The following EPPK1 variants were observed in gnomAD, a reference collection of about 807,000 sequenced individuals.
EPPK1 encodes the protein epiplakin.
For missense variants in EPPK1, 3,823 were observed against 3,673.3 expected (o/e 1.04, Z -1.05); for synonymous variants, 1,862 against 1,721.2 (o/e 1.08, Z -2.03).
rs528143426 is a variant in EPPK1 at position 143,874,199 on chromosome 8, G to A, written c.-45-901C>T. The stretch of plus-strand genomic sequence containing the variant: ...CAACCCCTTCCACACACAGCTGTAC[G>A]ACTGGCCCTGAGCAGAGCAGCAGGT... On this transcript the variant is annotated intron_variant, in intron 1 of 1. Coordinates refer to ENST00000615648, the MANE Select transcript of EPPK1 (RefSeq NM_031308.4). Among the ~76,000 whole-genome samples, 7 of 152,294 alleles carry A rather than the reference G, an allele frequency of 4.6e-5. No homozygotes were observed. The East Asian group carries it at 5.8e-4, about 13-fold the overall frequency.
At position 143,869,244 on chromosome 8, in the gene EPPK1, G is replaced by A; in HGVS notation, c.4010C>T (p.Ser1337Phe). The A allele has an allele frequency of 6.2e-7, 1 of 1,610,602 alleles. No individual in the cohort carries two copies. The highest frequency in any genetic ancestry group is 8.5e-7 in the Non-Finnish European group (1 of 1,179,386). ...YPDPYSRASL[S>F]LWQAMEKGLV... ...CCCCTTCTCCATGGCCTGCCACAGA[G>A]AGAGGGAGGCCCTAGAGTAGGGATC... Residue 1337 changes from serine to phenylalanine, a missense_variant, in exon 2 of 2, where the codon TCT (serine) becomes TTT (phenylalanine). Physicochemically the swap from Ser to Phe is radical, Grantham distance 155. Coordinates refer to ENST00000615648, the MANE Select transcript of EPPK1 (RefSeq NM_031308.4).
chr8:143,872,336 G>A lies in EPPK1; in HGVS notation c.918C>T (p.Thr306=), dbSNP rs373780114. ...CGGTGCCCATTGGGAGCAGGTGCTC[G>A]GTGGCAGCCTGGAAAAAGCTCTTCT... ...GHKKSFFQAA[T]EHLLPMGTAL... The change falls in exon 2 of 2, where the codon ACC becomes ACT. Residue 306 remains threonine, a synonymous_variant. Transcript: ENST00000615648. 1.2e-4 allele frequency: 194 copies of A among 1,604,184 alleles called. No homozygotes were observed. The highest frequency in any genetic ancestry group is 1.5e-4 in the Non-Finnish European group (181 of 1,176,090).
Position 143,868,704 on chromosome 8 carries a change from A to G in EPPK1, c.4550T>C (p.Leu1517Pro). 1 of 1,579,714 alleles carries G rather than the reference A, an allele frequency of 6.3e-7. No individual in the cohort carries two copies. The change falls in exon 2 of 2, where the codon CTG (leucine) becomes CCG (proline). Residue 1517 changes from leucine (L) to proline (P), a missense_variant. Physicochemically the swap from Leu to Pro is moderately conservative, Grantham distance 98 (BLOSUM62 -3). Coordinates refer to ENST00000615648, the MANE Select transcript of EPPK1 (RefSeq NM_031308.4). ...TLVEAAERQP[L>P]QATFRGLRKQ... is the part of the protein sequence containing the mutation. ...CCGGAGCCCTCTGAAGGTGGCCTGC[A>G]GGGGCTGCCTCTCTGCAGCCTCGAC...
At position 143,866,922 on chromosome 8, in the gene EPPK1, G is replaced by C; in HGVS notation, c.6332C>G (p.Thr2111Arg). Residue 2111 changes from threonine (T) to arginine (R), a missense_variant, in exon 2 of 2, where the codon ACA (threonine) becomes AGA (arginine). Coordinates refer to ENST00000615648, the MANE Select transcript of EPPK1 (RefSeq NM_031308.4). ...RALEAEQVEITVGRFRGQKPT... is the reference protein window; with the variant it reads ...RALEAEQVEIRVGRFRGQKPT... ...TTTCTGGCCTCTGAACCTTCCCACT[G>C]TGATTTCCACTTGCTCTGCCTCCAG... 6.2e-7 allele frequency: 1 copy of C among 1,612,986 alleles called. No individual in the cohort carries two copies. The highest frequency in any genetic ancestry group is 1.1e-5 in the South Asian group (1 of 91,076).
Position 143,871,364 on chromosome 8 carries a change from TC to T in EPPK1, c.1889del (p.Arg630HisfsTer39). The T allele has an allele frequency of 6.2e-7, 1 of 1,608,784 alleles. No homozygotes were observed. The highest frequency in any genetic ancestry group is 8.5e-7 in the Non-Finnish European group (1 of 1,178,418). On this transcript the variant is annotated frameshift_variant, in exon 2 of 2. Transcript: ENST00000615648. LOFTEE classifies it low-confidence loss of function (END_TRUNC). ...TGCCGGGCCGGAGGAGCCCCTTGCA[TC>T]GGGCCTCATAGATGCTCAGGCGTTC... Reference protein sequence around the residue: ...SQERLSIYEARCKGLLRPGTA... With the variant: ...SQERLSIYEAXCKGLLRPGTA...
At position 143,867,488 on chromosome 8, in the gene EPPK1, G is replaced by A. The variant is rs1819170462; in HGVS notation, c.5766C>T (p.Ile1922=). 6.2e-7 allele frequency: 1 copy of A among 1,612,670 alleles called. No homozygotes were observed. The highest frequency in any genetic ancestry group is 8.5e-7 in the Non-Finnish European group (1 of 1,179,846). The change falls in exon 2 of 2, where the codon ATC becomes ATT. Residue 1922 remains isoleucine (I), a synonymous_variant. Coordinates refer to ENST00000615648, the MANE Select transcript of EPPK1 (RefSeq NM_031308.4). ...GCAGCCAAGTCGCAAATGCTGCAGG[G>A]ATGAGCTCCTTCCTGCTGGCCTCAT... ...SLHEASRKEL[I]PAAFATWLLE...
In EPPK1 at chr8:143,869,629, GCAGCCAGACAGCGGGTACCTCA is replaced by G; in HGVS notation, c.3603_3624del (p.Glu1202TrpfsTer30). On this transcript the variant is annotated frameshift_variant, in exon 2 of 2. Transcript: ENST00000615648. LOFTEE classifies it low-confidence loss of function (END_TRUNC). ...TCCTGGGTGATGATGCCAGCATCCA[GCAGCCAGACAGCGGGTACCTCA>G]CCCCGTGGGCCGGGCACCATGACGC... 6.3e-7 allele frequency: 1 copy of G among 1,582,774 alleles called. No individual in the cohort carries two copies. Among genetic ancestry groups the G allele is most frequent in the African/African-American group, 1.3e-5 (1 of 74,326 alleles).
chr8:143,870,205 C>A lies in EPPK1; in HGVS notation c.3049G>T (p.Gly1017Trp), dbSNP rs1296554281. The stretch of plus-strand genomic sequence containing the variant: ...GCCTGGAACACAGACACCTGCTTCC[C>A]AGAGAAGGGGTCTCTGAAGCCAGCA... ...AIAGFRDPFSGKQVSVFQAMK... is the reference protein window; with the variant it reads ...AIAGFRDPFSWKQVSVFQAMK... Residue 1017 changes from glycine (G) to tryptophan (W), a missense_variant, in exon 2 of 2, where the codon GGG becomes TGG. Coordinates refer to ENST00000615648, the MANE Select transcript of EPPK1 (RefSeq NM_031308.4). The surrounding 1 kb of genome is among the most constrained non-coding windows in gnomAD (Gnocchi z 5.2). The A allele has an allele frequency of 4.3e-6, 7 of 1,610,114 alleles. No homozygotes were observed. The African/African-American group carries it at 8.0e-5, about 18-fold the overall frequency.
Position 143,870,196 on chromosome 8 carries a change from C to A in EPPK1, c.3058G>T (p.Val1020Leu), listed in dbSNP as rs782175370. Residue 1020 changes from valine (V) to leucine (L), a missense_variant, in exon 2 of 2, where the codon GTG (valine) becomes TTG (leucine). Val to Leu is a conservative substitution (Grantham distance 32). Coordinates refer to ENST00000615648, the MANE Select transcript of EPPK1 (RefSeq NM_031308.4). The surrounding 1 kb of genome is among the most constrained non-coding windows in gnomAD (Gnocchi z 5.2). Reference protein sequence around the residue: ...GFRDPFSGKQVSVFQAMKKGL... With the variant: ...GFRDPFSGKQLSVFQAMKKGL... ...TTCTTCATGGCCTGGAACACAGACA[C>A]CTGCTTCCCAGAGAAGGGGTCTCTG... is the stretch of plus-strand genomic sequence containing the variant. 8.1e-6 allele frequency: 13 copies of A among 1,611,154 alleles called. No individual in the cohort carries two copies. Among genetic ancestry groups the A allele is most frequent in the South Asian group, 2.2e-5 (2 of 90,804 alleles).
Position 143,872,632 on chromosome 8 carries a change from G to A in EPPK1, c.622C>T (p.Arg208Trp), listed in dbSNP as rs544383532. The A allele has an allele frequency of 3.7e-6, 6 of 1,609,742 alleles. No homozygotes were observed. Among genetic ancestry groups the A allele is most frequent in the South Asian group, 1.1e-5 (1 of 90,960 alleles). ...LRFLDPNTLERLTYHQLLERC... is the reference protein window; with the variant it reads ...LRFLDPNTLEWLTYHQLLERC... The stretch of plus-strand genomic sequence containing the variant: ...TCCAGCAGCTGGTGGTATGTCAGCC[G>A]CTCCAGCGTGTTGGGGTCGAGGAAG... Residue 208 changes from arginine (R) to tryptophan (W), a missense_variant, in exon 2 of 2, where the codon CGG becomes TGG. Arg to Trp is a moderately radical substitution (Grantham distance 101). Coordinates refer to ENST00000615648, the MANE Select transcript of EPPK1 (RefSeq NM_031308.4).
chr8:143,872,777 GC>G lies in EPPK1; in HGVS notation c.476del (p.Gly159AlafsTer51). On this transcript the variant is annotated frameshift_variant, in exon 2 of 2. Transcript: ENST00000615648. LOFTEE classifies it low-confidence loss of function (END_TRUNC). ...SWLEVQLATGGLVDPAQGVLV... is the reference protein window; with the variant it reads ...SWLEVQLATGXLVDPAQGVLV... ...GCACTCCCTGGGCGGGGTCCACCAG[GC>G]CCCCAGTGGCCAGTTGGACCTCCAG... 2 of 1,577,890 alleles carry G rather than the reference GC, an allele frequency of 1.3e-6. No homozygotes were observed. The highest frequency in any genetic ancestry group is 1.2e-5 in the South Asian group (1 of 86,746).
rs782820648 is a variant in EPPK1 at position 143,867,132 on chromosome 8, T to C, written c.6122A>G (p.Tyr2041Cys). 8.7e-6 allele frequency: 14 copies of C among 1,612,760 alleles called. No individual in the cohort carries two copies. The highest frequency in any genetic ancestry group is 1.3e-5 in the African/African-American group (1 of 74,900). ...GTGCTTCTGGTCGGAAATGAGCGCA[T>C]AGATGTCCTTGTGCAGACAGCCCCG... Reference protein sequence around the residue: ...YRRGCLHKDIYALISDQKHMR... With the variant: ...YRRGCLHKDICALISDQKHMR... The change falls in exon 2 of 2, where the codon TAT becomes TGT. Residue 2041 changes from tyrosine (Y) to cysteine (C), a missense_variant. By Grantham distance (194) the Tyr-to-Cys change is radical. Transcript: ENST00000615648.
Position 143,868,759 on chromosome 8 carries a change from G to A in EPPK1, c.4495C>T (p.Arg1499Trp), listed in dbSNP as rs782093131. ...GTGGTGACTGCGCTGACCACCTGCC[G>A]CAGGGCCGCAGCCCTCCCAGACCGA... ...LCRSGRAAALRQVVSAVTTLV... is the reference protein window; with the variant it reads ...LCRSGRAAALWQVVSAVTTLV... Residue 1499 changes from arginine (R) to tryptophan (W), a missense_variant, in exon 2 of 2, where the codon CGG (arginine) becomes TGG (tryptophan). Coordinates refer to ENST00000615648, the MANE Select transcript of EPPK1 (RefSeq NM_031308.4). 2.8e-5 allele frequency: 44 copies of A among 1,589,518 alleles called. 1 individual carries two copies. The highest frequency in any genetic ancestry group is 7.9e-5 in the South Asian group (7 of 88,840).
rs1554661872 is a variant in EPPK1 at position 143,873,140 on chromosome 8, G to A, written c.114C>T (p.Pro38=). 1.3e-6 allele frequency: 2 copies of A among 1,585,054 alleles called. No individual in the cohort carries two copies. The highest frequency in any genetic ancestry group is 2.3e-5 in the South Asian group (2 of 86,804). Residue 38 remains proline, a synonymous_variant, in exon 2 of 2, where the codon CCC becomes CCT. Transcript: ENST00000615648. ...ACACCCCAGCTATGCTCCTGGCCTG[G>A]GGCCTGGGGGGCGTGCCGGCTCCCA... ...ATLGAGTPPR[P]QARSIAGVYV...
chr8:143,868,203 T>C lies in EPPK1; in HGVS notation c.5051A>G (p.Gln1684Arg). Reference sequence around the variant, plus strand: ...GTCGATGATGCCGCCCGTGGCGATCTGGGCCTCCAGCAGGCGGATGCCGTG... The same window carrying C: ...GTCGATGATGCCGCCCGTGGCGATCCGGGCCTCCAGCAGGCGGATGCCGTG... ...REHGIRLLEA[Q>R]IATGGIIDPV... Residue 1684 changes from glutamine to arginine, a missense_variant, in exon 2 of 2, where the codon CAG becomes CGG. By Grantham distance (43) the Gln-to-Arg change is conservative (BLOSUM62 1). Coordinates refer to ENST00000615648, the MANE Select transcript of EPPK1 (RefSeq NM_031308.4). The C allele has an allele frequency of 1.2e-6, 2 of 1,613,158 alleles. No individual in the cohort carries two copies. The highest frequency in any genetic ancestry group is 1.7e-6 in the Non-Finnish European group (2 of 1,180,024).
chr8:143,871,068 A>T lies in EPPK1; in HGVS notation c.2186T>A (p.Val729Asp). The change falls in exon 2 of 2, where the codon GTC becomes GAC. Residue 729 changes from valine (V) to aspartate (D), a missense_variant. Val to Asp is a radical substitution (Grantham distance 152). Transcript: ENST00000615648. ...LLEAQIATGGVIDPVHSHRVP... is the reference protein window; with the variant it reads ...LLEAQIATGGDIDPVHSHRVP... Reference sequence around the variant, plus strand: ...GCGGTGGCTGTGCACGGGGTCGATGACGCCGCCCGTGGCGATCTGGGCCTC... The same window carrying T: ...GCGGTGGCTGTGCACGGGGTCGATGTCGCCGCCCGTGGCGATCTGGGCCTC... The T allele has an allele frequency of 6.2e-7, 1 of 1,612,850 alleles. No individual in the cohort carries two copies. The highest frequency in any genetic ancestry group is 8.5e-7 in the Non-Finnish European group (1 of 1,179,918).
rs782283484 is a variant in EPPK1 at position 143,866,664 on chromosome 8, A to T, written c.6590T>A (p.Leu2197His). ...LSSAIITEEM[L>H]QDLETGRSTT... ...GCTCCGTCCCGTTTCCAGGTCCTGG[A>T]GCATTTCCTCCGTGATTATGGCTGA... is the stretch of plus-strand genomic sequence containing the variant. The change falls in exon 2 of 2, where the codon CTC (leucine) becomes CAC (histidine). Residue 2197 changes from leucine (L) to histidine (H), a missense_variant. Physicochemically the swap from Leu to His is moderately conservative, Grantham distance 99 (BLOSUM62 -3). Coordinates refer to ENST00000615648, the MANE Select transcript of EPPK1 (RefSeq NM_031308.4). 21 of 1,612,978 alleles carry T rather than the reference A, an allele frequency of 1.3e-5. No individual in the cohort carries two copies. The African/African-American group carries it at 2.4e-4, about 18-fold the overall frequency.
chr8:143,867,020 C>T lies in EPPK1; in HGVS notation c.6234G>A (p.Thr2078=), dbSNP rs373075113. The T allele has an allele frequency of 8.8e-5, 142 of 1,612,722 alleles. No homozygotes were observed. The highest frequency in any genetic ancestry group is 1.1e-4 in the East Asian group (5 of 44,886). ...LQERCRPQED[T]GWLLFPVNKA... is the part of the protein sequence containing the mutation. ...TGTTCACTGGGAACAGCAGCCAGCC[C>T]GTGTCCTCTTGTGGGCGGCACCTCT... Residue 2078 remains threonine, a synonymous_variant, in exon 2 of 2, where the codon ACG becomes ACA. Coordinates refer to ENST00000615648, the MANE Select transcript of EPPK1 (RefSeq NM_031308.4).
rs781922272 is a variant in EPPK1, at chr8:143,866,620, C to T, written c.6634G>A (p.Glu2212Lys). 15 of 1,612,944 alleles carry T rather than the reference C, an allele frequency of 9.3e-6. No homozygotes were observed. The East Asian group carries it at 3.1e-4, about 34-fold the overall frequency. The part of the protein sequence containing the change: ...TGRSTTQELM[E>K]DDRVKRYLEG... ...AGGTAGCGCTTGACGCGGTCGTCCTCCATGAGCTCTTGCGTCGTGCTCCGT... is the reference window on the plus strand; with the variant it reads ...AGGTAGCGCTTGACGCGGTCGTCCTTCATGAGCTCTTGCGTCGTGCTCCGT... The change falls in exon 2 of 2, where the codon GAG becomes AAG. Residue 2212 changes from glutamate (E) to lysine (K), a missense_variant. Glu to Lys is a moderately conservative substitution (Grantham distance 56, BLOSUM62 1). Coordinates refer to ENST00000615648, the MANE Select transcript of EPPK1 (RefSeq NM_031308.4).
Sources: gnomAD v4.1 joint callset for allele counts (sites outside exome capture counted in the v4.1 genomes callset) on GRCh38, gnomAD v4.1.1 for gene constraint, Gnocchi (gnomAD v3.1) non-coding constraint, MANE v1.5 for transcripts, NCBI Gene and HGNC (gene_info 2026-07-23, HGNC 2026-07-21) for gene names.